The following KNTC1 variants were observed in gnomAD, a reference collection of about 807,000 sequenced individuals.
KNTC1 encodes the protein kinetochore associated 1.
In KNTC1, 253 loss-of-function variants were observed where a neutral mutation model predicts 314.4. The observed-to-expected ratio is 0.80, with a 90% confidence interval of 0.73 to 0.89. The LOEUF (loss-of-function observed/expected upper bound fraction) is 0.89, where lower values mean the gene tolerates loss of function less well. KNTC1 is among the 40% of genes least tolerant of loss of function. The pLI, the probability that KNTC1 is intolerant of heterozygous loss-of-function variation, is 0.00. For synonymous variants in KNTC1, 901 were observed against 901.4 expected, an observed-to-expected ratio of 1.00 and a Z score of 0.01; for missense variants, 2,475 against 2,572.9, an observed-to-expected ratio of 0.96 and a Z score of 0.82.
At chr12:122,589,118 T>C (rs941032705) in intron 40 of KNTC1, among the ~76,000 whole-genome samples, 9 of 152,082 alleles carry the variant, frequency 5.9e-5, no homozygotes, top group Non-Finnish European at 1.3e-4. Context: ...TGGAGTGCAG[T>C]AGTATGATCA....
chr12:122,617,357 T>C, intron 57 of KNTC1: 1 of 447,432 alleles, frequency 2.2e-6, no homozygotes, highest in Non-Finnish European at 4.5e-6. Flanking sequence ...CACTCCTCTA[T>C]TGATGGAAGT....
chr12:122,576,297 G>A (rs540872140), intron 29 of KNTC1, among the ~76,000 whole-genome samples: 13 of 152,164 alleles, frequency 8.5e-5, no homozygotes, highest in East Asian at 3.9e-4. Flanking sequence ...TTGAGCTCCC[G>A]ACCTCAGGTG....
intron 21 of KNTC1, among the ~76,000 whole-genome samples, chr12:122,569,121 A>C (rs1207688484): frequency 6.6e-6 from 1 of 152,196 alleles, no homozygotes; most frequent in Non-Finnish European, 1.5e-5. Flanking sequence ...CCTTGACAAA[A>C]GTTTACCTAC....
At chr12:122,620,699 A>C (rs1305707763) in intron 60 of KNTC1, 91 bp downstream of exon 60, 2 of 1,337,556 alleles carry the variant, frequency 1.5e-6, no homozygotes, top group East Asian at 4.8e-5. Flanking sequence ...TCATTTCAGC[A>C]AACCTGTAAA....
chr12:122,559,115 G>A (rs1963803191), intron 18 of KNTC1, among the ~76,000 whole-genome samples: 2 of 152,112 alleles, frequency 1.3e-5, no homozygotes, highest in Non-Finnish European at 2.9e-5. Flanking sequence ...TTGGGAGGCC[G>A]AGGTGGGCAG....
Position 122,575,575 on chromosome 12 carries a change from T to G in KNTC1, c.2415T>G (p.Tyr805Ter). 1 of 1,596,896 alleles carries G rather than the reference T, an allele frequency of 6.3e-7. No individual in the cohort carries two copies. The highest frequency in any genetic ancestry group is 8.5e-7 in the Non-Finnish European group (1 of 1,171,356). The change falls in exon 28 of 64, where the codon TAT (tyrosine) becomes TAG (stop). Residue 805 changes from tyrosine to a stop codon, truncating the protein, a stop_gained. Coordinates refer to ENST00000333479, the MANE Select transcript of KNTC1 (RefSeq NM_014708.6). LOFTEE classifies it high-confidence loss of function. ...LIFDAVLKIM[Y>*]AAVVPWSAAV... is the part of the protein sequence containing the mutation. ...TTGATGCCGTGCTCAAGATCATGTA[T>G]GCGGCAGTGGTTCCTTGGAGTGCAG...
intron 55 of KNTC1, among the ~76,000 whole-genome samples, chr12:122,614,400 CTCTGAGT>C (rs1266810654): frequency 4.6e-5 from 7 of 152,100 alleles, no homozygotes; most frequent in Admixed American, 1.3e-4. Context: ...GGGATTTAGC[CTCTGAGT>C]CAGTTGGAGG....
At chr12:122,569,626 G>T in intron 21 of KNTC1, 55 bp from the exon 22 acceptor site, 1 of 1,479,668 alleles carries the variant, frequency 6.8e-7, no homozygotes, top group Non-Finnish European at 9.3e-7. Context: ...TCAAACATTT[G>T]GAAGCCTTTG....
chr12:122,539,624 G>A lies in KNTC1; in HGVS notation c.367-52G>A, dbSNP rs1962126857. Reference sequence around the variant, plus strand: ...CTAGAGTTTAAAGAATAAAATCCTTGATTGTATTTTTCTATGTTTAATTTT... The same window carrying A: ...CTAGAGTTTAAAGAATAAAATCCTTAATTGTATTTTTCTATGTTTAATTTT... On this transcript the variant is annotated intron_variant, in intron 4 of 63. Transcript: ENST00000333479. 2.4e-6 allele frequency: 3 copies of A among 1,229,538 alleles called. No homozygotes were observed. In the African/African-American group the frequency reaches 4.6e-5, roughly 19 times the overall value. 76.2% of individuals were successfully genotyped at this position (1,229,538 alleles called of 1,614,324 possible). A position where few individuals can be genotyped will look rare whatever the true frequency, so the allele number is the denominator to read the frequency against.
chr12:122,584,992 T>C lies in KNTC1; in HGVS notation c.3534+2T>C, dbSNP rs770356336. ...GATGACTGTGGAATCCTCATGAAAG[T>C]AAGTTACTTTTGAGTTTTTTCCCTT... On this transcript the variant is annotated splice_donor_variant, in intron 36 of 63. Coordinates refer to ENST00000333479, the MANE Select transcript of KNTC1 (RefSeq NM_014708.6). LOFTEE classifies it high-confidence loss of function. The C allele has an allele frequency of 7.0e-6, 11 of 1,563,436 alleles. No homozygotes were observed. In the Admixed American group the frequency reaches 1.5e-4, roughly 22 times the overall value.
chr12:122,556,024 T>A (rs1354049384), intron 16 of KNTC1, among the ~76,000 whole-genome samples: 3 of 152,102 alleles, frequency 2.0e-5, no homozygotes, highest in East Asian at 1.9e-4. Flanking sequence ...TAGCAATTTT[T>A]TTTTTTGAGA....
intron 44 of KNTC1, among the ~76,000 whole-genome samples, 189 bp downstream of exon 44, chr12:122,598,127 CT>C (rs1415050725): frequency 6.6e-6 from 1 of 152,124 alleles, no homozygotes. Context: ...ATAGAAATAG[CT>C]TTTCTTCCCC....
At chr12:122,597,015 C>T (rs1385393944) in intron 43 of KNTC1, among the ~76,000 whole-genome samples, 2 of 151,618 alleles carry the variant, frequency 1.3e-5, no homozygotes, top group African/African-American at 4.8e-5. Context: ...TGAATTTTTT[C>T]TACTTTTTTG....
At chr12:122,596,553 C>G (rs1871087150) in intron 43 of KNTC1, among the ~76,000 whole-genome samples, 1 of 151,154 alleles carries the variant, frequency 6.6e-6, no homozygotes, top group African/African-American at 2.4e-5. Flanking sequence ...AACAAAACAG[C>G]TTTTTGGCCA....
chr12:122,539,869 G>A, intron 5 of KNTC1, 115 bp downstream of exon 5: 1 of 626,940 alleles, frequency 1.6e-6, no homozygotes, highest in Non-Finnish European at 2.7e-6. Context: ...GGAACCACCA[G>A]CTCCCAGGTT....
rs756395498 is a variant in KNTC1, at chr12:122,557,635, T to C, written c.1434T>C (p.Ala478=). 21 of 1,613,412 alleles carry C rather than the reference T, an allele frequency of 1.3e-5. No homozygotes were observed. Among genetic ancestry groups the C allele is most frequent in the Middle Eastern group, 1.6e-4 (1 of 6,084 alleles). ...TTGTGGTGAATTACTGCCTGAAAGC[T>C]CAGTGGATAACCTATGAAACCACTC... The part of the protein sequence containing the change: ...DEFVVNYCLK[A]QWITYETTQE... The change falls in exon 18 of 64, where the codon GCT becomes GCC. Residue 478 remains alanine (A), a synonymous_variant. Coordinates refer to ENST00000333479, the MANE Select transcript of KNTC1 (RefSeq NM_014708.6).
chr12:122,577,128 A>G, intron 30 of KNTC1, 99 bp downstream of exon 30: 1 of 868,726 alleles, frequency 1.2e-6, no homozygotes, highest in Non-Finnish European at 1.6e-6. Context: ...CCCAGGCTGG[A>G]GTGCAGTGGC....
Position 122,591,330 on chromosome 12 carries a change from T to A in KNTC1, c.4129-7T>A. 6.8e-7 allele frequency: 1 copy of A among 1,480,494 alleles called. No homozygotes were observed. The highest frequency in any genetic ancestry group is 9.4e-7 in the Non-Finnish European group (1 of 1,058,338). 91.7% of individuals were successfully genotyped at this position (1,480,494 alleles called of 1,614,324 possible). ...GATTGAACTTTAATTCTCTTTTAAT[T>A]TTTTAGGCAATATCTCTGGTGGGCT... On this transcript the variant is annotated splice_polypyrimidine_tract_variant and splice_region_variant and intron_variant, in intron 41 of 63. Transcript: ENST00000333479.
chr12:122,551,171 G>C (rs1376539062), intron 13 of KNTC1, 148 bp from the exon 14 acceptor site: 1 of 417,458 alleles, frequency 2.4e-6, no homozygotes. Context: ...TTAAATTTTT[G>C]TGGGTACATA....
Sources: allele counts gnomAD v4.1 joint callset (sites outside exome capture counted in the v4.1 genomes callset), GRCh38; gene constraint gnomAD v4.1.1; transcripts MANE v1.5; gene names NCBI Gene and HGNC (gene_info 2026-07-23, HGNC 2026-07-21).